The following EEPD1 variants were observed in gnomAD, a reference collection of about 807,000 sequenced individuals.
EEPD1 encodes endonuclease/exonuclease/phosphatase family domain-containing protein 1.
In EEPD1, 17 loss-of-function variants were observed where a neutral mutation model predicts 46.3. The ratio of observed to expected loss-of-function variants is 0.37; its 90% CI spans 0.25 to 0.55. The LOEUF (loss-of-function observed/expected upper bound fraction) is 0.55. Ranked by LOEUF, EEPD1 falls within the 20% of genes least tolerant of loss-of-function variation. The pLI is 0.83. For missense variants in EEPD1, 673 were observed against 745.6 expected (o/e 0.90, Z 1.13); for synonymous variants, 313 against 315.6 (o/e 0.99, Z 0.09).
intron 3 of EEPD1, among the ~76,000 whole-genome samples, chr7:36,271,299 G>A (rs540511431): frequency 1.5e-4 from 23 of 152,116 alleles, no homozygotes; most frequent in Admixed American, 2.0e-4. Context: ...AATGATCGCC[G>A]TTCTAACTGG....
chr7:36,210,580 G>T (rs1489175639), intron 2 of EEPD1, among the ~76,000 whole-genome samples: 6 of 152,104 alleles, frequency 3.9e-5, no homozygotes, highest in African/African-American at 1.4e-4. Flanking sequence ...GAATAAACCT[G>T]AGCCCTTCCC....
intron 2 of EEPD1, among the ~76,000 whole-genome samples, chr7:36,183,351 C>T (rs1303279017): frequency 6.6e-6 from 1 of 152,174 alleles, no homozygotes; most frequent in South Asian, 2.1e-4. Flanking sequence ...TCTGCTGAAA[C>T]GTGGTCACGT....
intron 2 of EEPD1, among the ~76,000 whole-genome samples, chr7:36,160,381 G>A (rs1182218644): frequency 6.6e-6 from 1 of 152,348 alleles, no homozygotes; most frequent in East Asian, 1.9e-4. Flanking sequence ...TTAGATGGGG[G>A]TCAAAGAATG....
At chr7:36,270,927 A>C (rs1339818408) in intron 3 of EEPD1, among the ~76,000 whole-genome samples, 2 of 152,178 alleles carry the variant, frequency 1.3e-5, no homozygotes, top group African/African-American at 4.8e-5. Flanking sequence ...ACCAAGTGTA[A>C]AAGCGTTCCT....
intron 2 of EEPD1, among the ~76,000 whole-genome samples, chr7:36,163,470 C>A (rs1348200051): frequency 1.3e-5 from 2 of 152,106 alleles, no homozygotes; most frequent in Admixed American, 1.3e-4. Flanking sequence ...AGCTAAGTTA[C>A]AGATACAGAA....
intron 3 of EEPD1, among the ~76,000 whole-genome samples, chr7:36,271,030 A>G (rs1787093918): frequency 6.6e-6 from 1 of 151,984 alleles, no homozygotes; most frequent in Non-Finnish European, 1.5e-5. Context: ...TCTGTCACCC[A>G]GGCTGGAGTG....
At chr7:36,185,060 A>G (rs1785342329) in intron 2 of EEPD1, among the ~76,000 whole-genome samples, 1 of 152,164 alleles carries the variant, frequency 6.6e-6, no homozygotes, top group Non-Finnish European at 1.5e-5. Flanking sequence ...GATCCAATGA[A>G]CAACCCATAT....
At chr7:36,275,760 C>T (rs932092646) in intron 3 of EEPD1, among the ~76,000 whole-genome samples, 1 of 152,162 alleles carries the variant, frequency 6.6e-6, no homozygotes, top group African/African-American at 2.4e-5. Flanking sequence ...GCGCCCGAAC[C>T]ACCTTTATTA....
At chr7:36,242,345 C>T (rs890304223) in intron 3 of EEPD1, among the ~76,000 whole-genome samples, 2 of 152,104 alleles carry the variant, frequency 1.3e-5, no homozygotes, top group African/African-American at 4.8e-5. Flanking sequence ...TTGTTCCCCC[C>T]ATCTCAAAAT....
Position 36,297,371 on chromosome 7 carries a change from A to G in EEPD1, c.1510+184A>G, listed in dbSNP as rs980697037. Reference sequence around the variant, plus strand: ...TCCAGGCCCCTGTCAGTCCCGCGCTAAGGACCACACAGTGCTTTCCAGCCA... The same window carrying G: ...TCCAGGCCCCTGTCAGTCCCGCGCTGAGGACCACACAGTGCTTTCCAGCCA... On this transcript the variant is annotated intron_variant, in intron 7 of 7. Transcript: ENST00000242108. Among the ~76,000 whole-genome samples, 7 of 152,182 alleles carry G rather than the reference A, an allele frequency of 4.6e-5. No individual in the cohort carries two copies. The East Asian group carries it at 9.6e-4, about 21-fold the overall frequency.
rs142473831 is a variant in EEPD1 at position 36,277,718 on chromosome 7, A to C, written c.931-3397A>C. Among the ~76,000 whole-genome samples, 538 of 152,314 alleles carry C rather than the reference A, an allele frequency of 3.5e-3. 3 individuals carry two copies. Among genetic ancestry groups the C allele is most frequent in the African/African-American group, 0.012 (505 of 41,564 alleles). On this transcript the variant is annotated intron_variant, in intron 3 of 7. Transcript: ENST00000242108. ...CTCCTTCCTTAACTCTGGTCATGAA[A>C]ATTAGGACATAGAATGCTTGTAGCC...
chr7:36,265,010 TA>T (rs1395581079), intron 3 of EEPD1, among the ~76,000 whole-genome samples: 1 of 151,970 alleles, frequency 6.6e-6, no homozygotes, highest in African/African-American at 2.4e-5. Flanking sequence ...CAGATCAAAA[TA>T]AAATAAGTCA....
chr7:36,160,186 G>C (rs1385223900), intron 2 of EEPD1, among the ~76,000 whole-genome samples: 1 of 152,134 alleles, frequency 6.6e-6, no homozygotes, highest in East Asian at 1.9e-4. Context: ...AGATCTGTTT[G>C]GAGCTCTCAC....
chr7:36,170,613 C>CT (rs1368085729), intron 2 of EEPD1, among the ~76,000 whole-genome samples: 2 of 136,084 alleles, frequency 1.5e-5, no homozygotes, highest in East Asian at 2.3e-4. Flanking sequence ...ATTAAATTAT[C>CT]TTTTTTTCTT....
At chr7:36,294,818 G>A (rs1381824784) in intron 6 of EEPD1, among the ~76,000 whole-genome samples, 12 of 152,144 alleles carry the variant, frequency 7.9e-5, no homozygotes, top group Non-Finnish European at 1.5e-4. Context: ...CGTTTCTGAT[G>A]CCGTTCTCTG....
chr7:36,294,586 C>G (rs562668384), intron 6 of EEPD1, among the ~76,000 whole-genome samples: 2 of 152,150 alleles, frequency 1.3e-5, no homozygotes, highest in East Asian at 3.9e-4. Flanking sequence ...TGGAGGCACT[C>G]TAGGAAAATT....
chr7:36,277,615 G>A (rs1226395630), intron 3 of EEPD1, among the ~76,000 whole-genome samples: 4 of 152,170 alleles, frequency 2.6e-5, no homozygotes, highest in Non-Finnish European at 5.9e-5. Context: ...CACCTCCTTA[G>A]GTTTTCTGTG....
At chr7:36,239,530 T>A (rs966967473) in intron 3 of EEPD1, among the ~76,000 whole-genome samples, 1 of 152,168 alleles carries the variant, frequency 6.6e-6, no homozygotes, top group African/African-American at 2.4e-5. Flanking sequence ...AGTACTTCTC[T>A]ATTCAGTAGT....
chr7:36,290,702 G>A (rs1787416397), intron 6 of EEPD1, among the ~76,000 whole-genome samples: 1 of 152,172 alleles, frequency 6.6e-6, no homozygotes, highest in African/African-American at 2.4e-5. Context: ...CTGAGCAAGA[G>A]TGAAACAGGG....
Sources: gnomAD v4.1 joint callset for allele counts (sites outside exome capture counted in the v4.1 genomes callset) on GRCh38, gnomAD v4.1.1 for gene constraint, MANE v1.5 for transcripts, NCBI Gene and HGNC (gene_info 2026-07-23, HGNC 2026-07-21) for gene names.